The following DPP10 variants were observed in gnomAD, a reference collection of about 807,000 sequenced individuals.
DPP10 encodes dipeptidyl peptidase like 10.
In DPP10, 33 loss-of-function variants were observed where a neutral mutation model predicts 120.9. That is an observed-to-expected ratio of 0.27 (90% CI 0.21 to 0.37). The LOEUF (loss-of-function observed/expected upper bound fraction) is 0.37, where lower values mean the gene tolerates loss of function less well. DPP10 is among the 10% of genes least tolerant of loss of function. The pLI is 1.00. For synonymous variants in DPP10, 337 were observed against 326.1 expected, an observed-to-expected ratio of 1.03 and a Z score of -0.36; for missense variants, 816 against 942.8, an observed-to-expected ratio of 0.87 and a Z score of 1.76.
chr2:115,776,342 T>C (rs899634603), intron 13 of DPP10, among the ~76,000 whole-genome samples: 5 of 152,178 alleles, frequency 3.3e-5, no homozygotes, highest in East Asian at 3.9e-4. Flanking sequence ...CAGCTCCCAC[T>C]TATGAGTGAG....
At chr2:115,233,107 A>G (rs2057821310) in intron 1 of DPP10, among the ~76,000 whole-genome samples, 1 of 138,536 alleles carries the variant, frequency 7.2e-6, no homozygotes, top group Admixed American at 7.6e-5. Context: ...AGTGACCACC[A>G]TGTCATATTT....
At chr2:115,239,567 C>T (rs914005734) in intron 1 of DPP10, among the ~76,000 whole-genome samples, 1 of 152,150 alleles carries the variant, frequency 6.6e-6, no homozygotes, top group Non-Finnish European at 1.5e-5. Flanking sequence ...AGATGTAATG[C>T]TGTTGCACAC....
intron 1 of DPP10, among the ~76,000 whole-genome samples, chr2:114,590,922 G>A (rs1691408890): frequency 6.6e-6 from 1 of 152,142 alleles, no homozygotes; most frequent in Admixed American, 6.5e-5. Context: ...AGTGGCTCTT[G>A]TGAGCCTATA....
At chr2:115,142,963 T>C (rs1220705093) in intron 1 of DPP10, among the ~76,000 whole-genome samples, 1 of 152,112 alleles carries the variant, frequency 6.6e-6, no homozygotes, top group African/African-American at 2.4e-5. Flanking sequence ...AGATCTTGTA[T>C]TGGAGTTGAA....
At chr2:114,482,459 C>A (rs72949889) in intron 1 of DPP10, among the ~76,000 whole-genome samples, 5,520 of 152,192 alleles carry the variant, frequency 0.036, 155 homozygotes, top group Middle Eastern at 0.085. Flanking sequence ...TGCTAAGTAA[C>A]CACCTTAAAT....
intron 1 of DPP10, among the ~76,000 whole-genome samples, chr2:114,545,188 A>G (rs1228667848): frequency 6.6e-6 from 1 of 152,100 alleles, no homozygotes; most frequent in Non-Finnish European, 1.5e-5. Flanking sequence ...ATATGAAATT[A>G]ATGTATTTTG....
chr2:114,603,473 T>A (rs999188653), intron 1 of DPP10, among the ~76,000 whole-genome samples: 4 of 152,106 alleles, frequency 2.6e-5, no homozygotes, highest in Admixed American at 1.3e-4. Context: ...TGAGGATGCA[T>A]TCAGATATGT....
chr2:115,657,447 A>G (rs2088475959), intron 5 of DPP10, among the ~76,000 whole-genome samples: 1 of 151,674 alleles, frequency 6.6e-6, no homozygotes, highest in South Asian at 2.1e-4. Flanking sequence ...TGTTTTCTCT[A>G]TTTCTTCTCT....
Position 115,842,231 on chromosome 2 carries a change from T to A in DPP10, c.2277T>A (p.His759Gln). The A allele has an allele frequency of 1.2e-6, 2 of 1,613,278 alleles. No homozygotes were observed. Among genetic ancestry groups the A allele is most frequent in the Non-Finnish European group, 1.7e-6 (2 of 1,179,354 alleles). Residue 759 changes from histidine to glutamine, a missense_variant, in exon 26 of 26, where the codon CAT (histidine) becomes CAA (glutamine). Transcript: ENST00000410059. The part of the protein sequence containing the change: ...YTMQVYPDEG[H>Q]NVSEKSKYHL... ...CTTAGGTCTACCCAGATGAAGGTCA[T>A]AACGTATCTGAGAAGAGCAAGTATC...
chr2:114,967,306 G>T (rs1699103672), intron 1 of DPP10, among the ~76,000 whole-genome samples: 1 of 152,192 alleles, frequency 6.6e-6, no homozygotes, highest in Non-Finnish European at 1.5e-5. Flanking sequence ...CAAGTGAGTT[G>T]TCCTGAGATA....
chr2:114,653,106 AG>A (rs1696730851), intron 1 of DPP10, among the ~76,000 whole-genome samples: 1 of 151,732 alleles, frequency 6.6e-6, no homozygotes, highest in African/African-American at 2.4e-5. Flanking sequence ...ACCCTCAAAA[AG>A]GTATGTCTGC....
chr2:114,832,278 A>T (rs1370317140), intron 1 of DPP10, among the ~76,000 whole-genome samples: 5 of 152,358 alleles, frequency 3.3e-5, no homozygotes, highest in South Asian at 2.1e-4. Context: ...TCACGCCTGT[A>T]ATCCCAGCAC....
chr2:114,928,818 A>G (rs965639212), intron 1 of DPP10, among the ~76,000 whole-genome samples: 3 of 152,188 alleles, frequency 2.0e-5, no homozygotes, highest in African/African-American at 7.2e-5. Context: ...ATCTACAGAC[A>G]TAGCACGAGG....
rs149868048 is a variant in DPP10, at chr2:114,944,199, T to G, written c.61-365040T>G. ...TGGGTATGCACATTTAAAGTAGATA[T>G]TTCCTTGATGTTGCAAATAATGTAA... is the stretch of plus-strand genomic sequence containing the variant. On this transcript the variant is annotated intron_variant, in intron 1 of 25. Coordinates refer to ENST00000410059, the MANE Select transcript of DPP10 (RefSeq NM_020868.6). Among the ~76,000 whole-genome samples, 227 of 152,274 alleles carry G rather than the reference T, an allele frequency of 1.5e-3. 6 individuals are homozygous for G. The highest frequency in any genetic ancestry group is 5.2e-3 in the African/African-American group (217 of 41,570).
At chr2:115,187,315 C>T (rs369896843) in intron 1 of DPP10, among the ~76,000 whole-genome samples, 158 of 152,096 alleles carry the variant, frequency 1.0e-3, no homozygotes, top group African/African-American at 3.5e-3. Flanking sequence ...GGATTACAGG[C>T]GTGAGCCACC....
chr2:114,479,484 A>G (rs1680816835), intron 1 of DPP10, among the ~76,000 whole-genome samples: 1 of 152,196 alleles, frequency 6.6e-6, no homozygotes, highest in African/African-American at 2.4e-5. Flanking sequence ...CAATGTAGAA[A>G]AGATAGCCTT....
At chr2:115,039,308 T>A (rs2105289233) in intron 1 of DPP10, among the ~76,000 whole-genome samples, 1 of 152,368 alleles carries the variant, frequency 6.6e-6, no homozygotes, top group South Asian at 2.1e-4. Context: ...GTCTATTGAA[T>A]AATTTTGAAC....
At chr2:115,378,194 G>A (rs1052397170) in intron 3 of DPP10, among the ~76,000 whole-genome samples, 2 of 152,112 alleles carry the variant, frequency 1.3e-5, no homozygotes, top group Non-Finnish European at 2.9e-5. Context: ...AGCATGGAAT[G>A]TCCTTCCATT....
chr2:115,372,216 A>G (rs2065461081), intron 3 of DPP10, among the ~76,000 whole-genome samples: 1 of 152,210 alleles, frequency 6.6e-6, no homozygotes, highest in African/African-American at 2.4e-5. Context: ...TGAAAGGAGA[A>G]CAACTTTAAA....
Sources: allele counts gnomAD v4.1 joint callset (sites outside exome capture counted in the v4.1 genomes callset), GRCh38; gene constraint gnomAD v4.1.1; transcripts MANE v1.5; gene names NCBI Gene and HGNC (gene_info 2026-07-23, HGNC 2026-07-21).